The following AADAT variants were observed in gnomAD, a reference collection of about 807,000 sequenced individuals.
AADAT encodes kynurenine/alpha-aminoadipate aminotransferase, mitochondrial.
Under a neutral mutation model 56.2 loss-of-function variants are expected in AADAT, and 25 were observed. That is an observed-to-expected ratio of 0.44 (90% CI 0.32 to 0.62). The LOEUF (loss-of-function observed/expected upper bound fraction) is 0.62, where lower values mean the gene tolerates loss of function less well. Ranked by LOEUF, AADAT falls within the 20% of genes least tolerant of loss-of-function variation. The pLI is 0.04. For synonymous variants in AADAT, 173 were observed against 164.7 expected (o/e 1.05, Z -0.39); for missense variants, 387 against 510.5 (o/e 0.76, Z 2.33).
At chr4:170,064,249 G>A (rs1731336435) in intron 11 of AADAT, among the ~76,000 whole-genome samples, 1 of 152,136 alleles carries the variant, frequency 6.6e-6, no homozygotes, top group African/African-American at 2.4e-5. Context: ...TTAAATACTA[G>A]TGGCTAATAC....
In AADAT at chr4:170,069,159, G is replaced by T. The variant is rs866553633; in HGVS notation, c.792C>A (p.Ile264=). The T allele has an allele frequency of 1.2e-6, 2 of 1,613,642 alleles. No individual in the cohort carries two copies. Among genetic ancestry groups the T allele is most frequent in the Non-Finnish European group, 1.7e-6 (2 of 1,179,772 alleles). Residue 264 remains isoleucine (I), a synonymous_variant, in exon 7 of 13, where the codon ATC becomes ATA. Transcript: ENST00000337664. ...RVIRADSFSK[I]ISSGLRIGFL... is the part of the protein sequence containing the mutation. ...ACACAGGGCCTTACCCAGAGGAAAT[G>T]ATTTTTGAAAAAGAGTCAGCTCTGA...
At chr4:170,064,902 C>CATT (rs1731370928) in intron 10 of AADAT, 77 bp from the exon 11 acceptor site, 2 of 1,261,744 alleles carry the variant, frequency 1.6e-6, no homozygotes, top group Non-Finnish European at 2.2e-6. Context: ...TGTTAAATGG[C>CATT]ATAAGTATAG....
Position 170,069,152 on chromosome 4 carries a change from A to G in AADAT, c.799T>C (p.Ser267Pro). The G allele has an allele frequency of 6.2e-7, 1 of 1,613,658 alleles. No homozygotes were observed. Among genetic ancestry groups the G allele is most frequent in the Non-Finnish European group, 8.5e-7 (1 of 1,179,716 alleles). Residue 267 changes from serine (S) to proline (P), a missense_variant, in exon 7 of 13, where the codon TCT (serine) becomes CCT (proline). Physicochemically the swap from Ser to Pro is moderately conservative, Grantham distance 74 (BLOSUM62 -1). Transcript: ENST00000337664. ...RADSFSKIIS[S>P]GLRIGFLTGP... ...GTTAGAGACACAGGGCCTTACCCAGAGGAAATGATTTTTGAAAAAGAGTCA... is the reference window on the plus strand; with the variant it reads ...GTTAGAGACACAGGGCCTTACCCAGGGGAAATGATTTTTGAAAAAGAGTCA...
intron 5 of AADAT, among the ~76,000 whole-genome samples, chr4:170,071,157 C>T (rs1303631793): frequency 6.6e-6 from 1 of 152,236 alleles, no homozygotes; most frequent in Non-Finnish European, 1.5e-5. Context: ...AAGTGATCCA[C>T]CTGCCTCAGC....
chr4:170,071,790 T>C (rs1454815424), intron 5 of AADAT, among the ~76,000 whole-genome samples: 1 of 151,136 alleles, frequency 6.6e-6, no homozygotes, highest in East Asian at 2.0e-4. Context: ...CAGAGAAAAA[T>C]GGATGGACTT....
chr4:170,067,250 C>T, intron 9 of AADAT, 77 bp downstream of exon 9: 1 of 1,064,782 alleles, frequency 9.4e-7, no homozygotes, highest in Non-Finnish European at 1.4e-6. Context: ...AAGAATAAAT[C>T]AATACTGTAG....
At chr4:170,091,324 CG>C (rs969696623), upstream of AADAT, among the ~76,000 whole-genome samples, 12 of 152,068 alleles carry the variant, frequency 7.9e-5, no homozygotes, top group Admixed American at 2.0e-4. Flanking sequence ...GCACTCAGAG[CG>C]GCGGGCCGGC....
chr4:170,089,216 C>T (rs1732715737), intron 1 of AADAT: 3 of 385,958 alleles, frequency 7.8e-6, no homozygotes. Context: ...TCCACTTAGC[C>T]CCGACCTGTC....
chr4:170,070,777 T>G, intron 5 of AADAT, 125 bp from the exon 6 acceptor site: 2 of 638,410 alleles, frequency 3.1e-6, no homozygotes, highest in Non-Finnish European at 5.2e-6. Context: ...GTGTCTATTG[T>G]CTTAGACAAC....
intron 8 of AADAT, among the ~76,000 whole-genome samples, chr4:170,067,830 A>AT (rs1192926324): frequency 1.3e-5 from 2 of 152,066 alleles, no homozygotes; most frequent in East Asian, 3.9e-4. Context: ...ATATTTGGAG[A>AT]TTTTCTATTT....
intron 2 of AADAT, among the ~76,000 whole-genome samples, chr4:170,087,473 A>G (rs904491851): frequency 6.6e-6 from 1 of 152,236 alleles, no homozygotes; most frequent in Admixed American, 6.5e-5. Context: ...CAGAAAGTCA[A>G]TTACGTAATA....
Position 170,061,928 on chromosome 4 carries a change from T to G in AADAT, c.1200A>C (p.Ala400=). ...DSSAPSPYLR[A]SFSSASPEQM... The stretch of plus-strand genomic sequence containing the variant: ...GTTCTGGAGAAGCTGAAGAGAAGGA[T>G]GCTCTCAAGTAAGGGCTAGGAGCTG... The change falls in exon 12 of 13, where the codon GCA becomes GCC. Residue 400 remains alanine, a synonymous_variant. Transcript: ENST00000337664. 1 of 1,613,342 alleles carries G rather than the reference T, an allele frequency of 6.2e-7. No individual in the cohort carries two copies. Among genetic ancestry groups the G allele is most frequent in the East Asian group, 2.2e-5 (1 of 44,800 alleles).
intron 10 of AADAT, 61 bp from the exon 11 acceptor site, chr4:170,064,886 G>A (rs1731370036): frequency 2.1e-6 from 3 of 1,450,510 alleles, no homozygotes; most frequent in South Asian, 2.5e-5. Flanking sequence ...TGATATCAAA[G>A]TGTGTTGTTA....
intron 2 of AADAT, among the ~76,000 whole-genome samples, chr4:170,088,037 G>A (rs926189056): frequency 6.6e-5 from 10 of 151,120 alleles, no homozygotes; most frequent in African/African-American, 2.4e-4. Flanking sequence ...TGATATGTTT[G>A]TTTCACCTGG....
chr4:170,083,058 C>T (rs1019311969), intron 3 of AADAT, among the ~76,000 whole-genome samples: 1 of 148,616 alleles, frequency 6.7e-6, no homozygotes. Context: ...TAGACAGTTA[C>T]AAAAATATTC....
chr4:170,064,256 ATACT>A (rs1375992560), intron 11 of AADAT, among the ~76,000 whole-genome samples: 2 of 152,226 alleles, frequency 1.3e-5, no homozygotes, highest in Admixed American at 6.5e-5. Context: ...CTAGTGGCTA[ATACT>A]TACTGAGCAC....
chr4:170,093,901 C>A (rs1023897182), upstream of AADAT, among the ~76,000 whole-genome samples: 1 of 152,234 alleles, frequency 6.6e-6, no homozygotes, highest in Non-Finnish European at 1.5e-5. Context: ...CCTGGCCTCA[C>A]ACAGGCATTT....
At chr4:170,070,429 C>A in intron 6 of AADAT, 158 bp downstream of exon 6, 2 of 551,280 alleles carry the variant, frequency 3.6e-6, no homozygotes, top group South Asian at 4.7e-5. Context: ...AACTGGAAGA[C>A]TGAAAAGTAA....
chr4:170,092,978 A>G (rs1446564043), upstream of AADAT, among the ~76,000 whole-genome samples: 3 of 152,332 alleles, frequency 2.0e-5, no homozygotes, highest in East Asian at 3.9e-4. Context: ...CTGAATTTTT[A>G]TAGAAGTTAA....
Sources: gnomAD v4.1 joint callset for allele counts (sites outside exome capture counted in the v4.1 genomes callset) on GRCh38, gnomAD v4.1.1 for gene constraint, MANE v1.5 for transcripts, NCBI Gene and HGNC (gene_info 2026-07-23, HGNC 2026-07-21) for gene names.